Variants in GPR4 observed in about 807,000 individuals in gnomAD.
The protein encoded by GPR4 is G protein-coupled receptor 4.
A neutral mutation model predicts 17.8 loss-of-function variants in GPR4; 11 were observed. The ratio of observed to expected loss-of-function variants is 0.62; its 90% CI spans 0.39 to 1.02. The LOEUF (loss-of-function observed/expected upper bound fraction) is 1.02, where lower values mean the gene tolerates loss of function less well. Ranked by LOEUF, GPR4 falls within the 50% of genes least tolerant of loss-of-function variation. The pLI is 0.00. For synonymous variants in GPR4, 219 were observed against 222.8 expected, an observed-to-expected ratio of 0.98 and a Z score of 0.15; for missense variants, 364 against 495.4, an observed-to-expected ratio of 0.73 and a Z score of 2.52.
Position 45,591,914 on chromosome 19 carries a change from G to A in GPR4, c.-48C>T. ...GCGCTTCCCCTGGCCCACGGGGGCT[G>A]TGGGGCCACAGGGAGCGGGAGGCCA... On this transcript the variant is annotated 5_prime_UTR_variant, in exon 2 of 2. Coordinates refer to ENST00000323040, the MANE Select transcript of GPR4 (RefSeq NM_005282.3). This position sits in a 1 kb window ranked among gnomAD's most constrained non-coding sequence, Gnocchi z 7.6. The A allele has an allele frequency of 6.6e-7, 1 of 1,522,140 alleles. No individual in the cohort carries two copies. Among genetic ancestry groups the A allele is most frequent in the Non-Finnish European group, 8.8e-7 (1 of 1,135,976 alleles). The allele number at this position is 1,522,140 out of a possible 1,614,324, so 94.3% of individuals were successfully genotyped here.
chr19:45,599,320 C>A (rs1970089030), intron 1 of GPR4, among the ~76,000 whole-genome samples: 2 of 152,076 alleles, frequency 1.3e-5, no homozygotes, highest in South Asian at 4.1e-4. Flanking sequence ...TGCTACAGCC[C>A]CCCGCATCCC....
In GPR4 at chr19:45,590,637, C is replaced by G. The variant is rs997508231; in HGVS notation, c.*141G>C. Reference sequence around the variant, plus strand: ...AGCACAAAGGTTGACCAGTGACACACCAACCTCACTCTTCCTAAGTTCTTG... The same window carrying G: ...AGCACAAAGGTTGACCAGTGACACAGCAACCTCACTCTTCCTAAGTTCTTG... On this transcript the variant is annotated 3_prime_UTR_variant, in exon 2 of 2. Coordinates refer to ENST00000323040, the MANE Select transcript of GPR4 (RefSeq NM_005282.3). 1 of 1,119,528 alleles carries G rather than the reference C, an allele frequency of 8.9e-7. No homozygotes were observed. The highest frequency in any genetic ancestry group is 2.1e-4 in the Middle Eastern group (1 of 4,862). The allele number at this position is 1,119,528 out of a possible 1,614,324, so 69.3% of individuals were successfully genotyped here. A position where few individuals can be genotyped will look rare whatever the true frequency, so the allele number is the denominator to read the frequency against.
rs777473789 is a variant in GPR4 at position 45,593,517 on chromosome 19, G to GA, written c.-831-821dup. Among the ~76,000 whole-genome samples the GA allele has an allele frequency of 2.4e-3, 223 of 93,532 alleles. 1 individual carries two copies. The highest frequency in any genetic ancestry group is 3.2e-3 in the Non-Finnish European group (139 of 43,398). The allele number at this position is 93,532 out of a possible 152,430, so 61.4% of individuals were successfully genotyped here. A position where few individuals can be genotyped will look rare whatever the true frequency, so the allele number is the denominator to read the frequency against. ...CTGTCTCAAAAAAAAAAGAAGAAAA[G>GA]AAAAAAAAGAAAAAAAAAAGGAAAG... On this transcript the variant is annotated intron_variant, in intron 1 of 1. Transcript: ENST00000323040.
intron 1 of GPR4, among the ~76,000 whole-genome samples, chr19:45,597,571 C>A (rs573742781): frequency 5.5e-4 from 84 of 152,250 alleles, no homozygotes; most frequent in African/African-American, 2.0e-3. Flanking sequence ...CAGGACAGGC[C>A]CAGCATACAG....
chr19:45,594,063 A>AAAAAG (rs1376607021), intron 1 of GPR4, among the ~76,000 whole-genome samples: 1 of 36,244 alleles, frequency 2.8e-5, no homozygotes, highest in African/African-American at 1.5e-4. Flanking sequence ...AAAAAAAAAA[A>AAAAAG]ATATATATAT....
At chr19:45,595,697 G>C (rs1970051208) in intron 1 of GPR4, among the ~76,000 whole-genome samples, 1 of 151,712 alleles carries the variant, frequency 6.6e-6, no homozygotes, top group Non-Finnish European at 1.5e-5. Flanking sequence ...TTCCATCCAG[G>C]GGTCTTTTGG....
At chr19:45,598,556 T>TG (rs1467106994) in intron 1 of GPR4, among the ~76,000 whole-genome samples, 1 of 151,924 alleles carries the variant, frequency 6.6e-6, no homozygotes, top group Non-Finnish European at 1.5e-5. Context: ...ATGCTGGACA[T>TG]GGGGGGGAGG....
In GPR4 at chr19:45,590,647, T is replaced by C. The variant is rs192513762; in HGVS notation, c.*131A>G. On this transcript the variant is annotated 3_prime_UTR_variant, in exon 2 of 2. Coordinates refer to ENST00000323040, the MANE Select transcript of GPR4 (RefSeq NM_005282.3). ...TTGACCAGTGACACACCAACCTCACTCTTCCTAAGTTCTTGTATTCTTATG... is the reference window on the plus strand; with the variant it reads ...TTGACCAGTGACACACCAACCTCACCCTTCCTAAGTTCTTGTATTCTTATG... The C allele has an allele frequency of 5.1e-4, 620 of 1,209,964 alleles. 3 individuals carry two copies. In the African/African-American group the frequency reaches 8.1e-3, roughly 16 times the overall value. The allele number at this position is 1,209,964 out of a possible 1,614,324, so 75.0% of individuals were successfully genotyped here.
chr19:45,593,720 G>A (rs1335056488), intron 1 of GPR4, among the ~76,000 whole-genome samples: 1 of 151,808 alleles, frequency 6.6e-6, no homozygotes, highest in Admixed American at 6.6e-5. Context: ...CCTCCCTAAG[G>A]ATGCACAGCA....
In GPR4 at chr19:45,590,872, T is replaced by A. The variant is rs766931648; in HGVS notation, c.995A>T (p.Asn332Ile). The change falls in exon 2 of 2, where the codon AAC (asparagine) becomes ATC (isoleucine). Residue 332 changes from asparagine to isoleucine, a missense_variant. Asn to Ile is a moderately radical substitution (Grantham distance 149, BLOSUM62 -3). Coordinates refer to ENST00000323040, the MANE Select transcript of GPR4 (RefSeq NM_005282.3). ...TLETPLTSKR[N>I]STAKAMTGSW... ...GCCAGTCATGGCTTTGGCTGTGCTGTTCCTCTTGGAGGTGAGTGGGGTCTC... is the reference window on the plus strand; with the variant it reads ...GCCAGTCATGGCTTTGGCTGTGCTGATCCTCTTGGAGGTGAGTGGGGTCTC... 1.1e-5 allele frequency: 18 copies of A among 1,613,988 alleles called. No individual in the cohort carries two copies. The highest frequency in any genetic ancestry group is 1.7e-5 in the Admixed American group (1 of 60,006).
At chr19:45,593,605 C>T (rs569614581) in intron 1 of GPR4, among the ~76,000 whole-genome samples, 78 of 151,734 alleles carry the variant, frequency 5.1e-4, no homozygotes, top group South Asian at 8.3e-4. Flanking sequence ...CTGCAGAATT[C>T]CTGTAAAACT....
In GPR4 at chr19:45,591,330, G is replaced by A; in HGVS notation, c.537C>T (p.Ala179=). 2 of 1,612,950 alleles carry A rather than the reference G, an allele frequency of 1.2e-6. No individual in the cohort carries two copies. Among genetic ancestry groups the A allele is most frequent in the Non-Finnish European group, 1.7e-6 (2 of 1,179,878 alleles). ...CGAACACCCGATAGAGGTTCATCCAGGCCACCCAGCCTTCCATGGGGAACT... is the reference window on the plus strand; with the variant it reads ...CGAACACCCGATAGAGGTTCATCCAAGCCACCCAGCCTTCCATGGGGAACT... The part of the protein sequence containing the change: ...FEKFPMEGWV[A]WMNLYRVFVG... Residue 179 remains alanine, a synonymous_variant, in exon 2 of 2, where the codon GCC becomes GCT. Transcript: ENST00000323040. This position sits in a 1 kb window ranked among gnomAD's most constrained non-coding sequence, Gnocchi z 7.6.
chr19:45,594,891 G>A lies in GPR4; in HGVS notation c.-831-2194C>T, dbSNP rs34159980. 8.5e-3 allele frequency among the ~76,000 whole-genome samples: 1,298 copies of A among 152,274 alleles called. 16 individuals are homozygous for A. Among genetic ancestry groups the A allele is most frequent in the Non-Finnish European group, 0.014 (964 of 68,026 alleles). Reference sequence around the variant, plus strand: ...CCAGCTACTCGGGATGCTGAGGCGAGAGGATTGCTTGAGCCCAGGAGGCAG... The same window carrying A: ...CCAGCTACTCGGGATGCTGAGGCGAAAGGATTGCTTGAGCCCAGGAGGCAG... On this transcript the variant is annotated intron_variant, in intron 1 of 1. Coordinates refer to ENST00000323040, the MANE Select transcript of GPR4 (RefSeq NM_005282.3).
At chr19:45,600,693 TCA>T (rs1189036804) in intron 1 of GPR4, among the ~76,000 whole-genome samples, 1 of 152,180 alleles carries the variant, frequency 6.6e-6, no homozygotes, top group African/African-American at 2.4e-5. Flanking sequence ...CTTTTGGACC[TCA>T]GTTTCTCCAT....
chr19:45,600,666 C>T (rs1600027258), intron 1 of GPR4, among the ~76,000 whole-genome samples: 1 of 152,206 alleles, frequency 6.6e-6, no homozygotes, highest in Non-Finnish European at 1.5e-5. Flanking sequence ...GGCACTGACT[C>T]ACTGTGGGGA....
At chr19:45,592,846 A>T (rs1568416811) in intron 1 of GPR4, 149 bp from the exon 2 acceptor site, 1 of 154,478 alleles carries the variant, frequency 6.5e-6, no homozygotes, top group African/African-American at 2.4e-5. Context: ...ACTCTCTGAA[A>T]ACACAGATTT....
At chr19:45,594,063 A>ATATATAT (rs1555738313) in intron 1 of GPR4, among the ~76,000 whole-genome samples, 4 of 36,246 alleles carry the variant, frequency 1.1e-4, no homozygotes, top group East Asian at 6.3e-4. Flanking sequence ...AAAAAAAAAA[A>ATATATAT]ATATATATAT....
At chr19:45,592,863 T>C (rs548092985) in intron 1 of GPR4, among the ~76,000 whole-genome samples, 166 bp from the exon 2 acceptor site, 2 of 152,112 alleles carry the variant, frequency 1.3e-5, no homozygotes, top group Non-Finnish European at 2.9e-5. Context: ...ATTTGAGGTG[T>C]CAGGCATATT....
rs1213149128 is a variant in GPR4 at position 45,590,980 on chromosome 19, T to A, written c.887A>T (p.Asp296Val). 1.2e-6 allele frequency: 2 copies of A among 1,613,944 alleles called. No individual in the cohort carries two copies. Among genetic ancestry groups the A allele is most frequent in the Non-Finnish European group, 8.5e-7 (1 of 1,180,028 alleles). The change falls in exon 2 of 2, where the codon GAT (aspartate) becomes GTT (valine). Residue 296 changes from aspartate to valine, a missense_variant. Asp to Val is a radical substitution (Grantham distance 152). This residue lies in a region of GPR4 where 92 missense variants were observed against 106.0 expected (regional missense o/e 0.87). Coordinates refer to ENST00000323040, the MANE Select transcript of GPR4 (RefSeq NM_005282.3). ...YCLVNEGARS[D>V]VAKALHNLLR... is the part of the protein sequence containing the mutation. ...CAGGTTGTGCAGGGCCTTGGCCACA[T>A]CGCTGCGGGCGCCCTCGTTGACCAG...
Sources: gnomAD v4.1 joint callset for allele counts (sites outside exome capture counted in the v4.1 genomes callset) on GRCh38, gnomAD v4.1.1 for gene constraint, gnomAD v4.1.1 regional missense constraint, Gnocchi (gnomAD v3.1) non-coding constraint, MANE v1.5 for transcripts, NCBI Gene and HGNC (gene_info 2026-07-23, HGNC 2026-07-21) for gene names.